AKAP13: variants seen among roughly 807,000 people sequenced by gnomAD.
AKAP13 encodes the protein A-kinase anchor protein 13.
A neutral mutation model predicts 264.5 loss-of-function variants in AKAP13; 80 were observed. The observed-to-expected ratio is 0.30, with a 90% CI of 0.25 to 0.36. The LOEUF (loss-of-function observed/expected upper bound fraction) is 0.36, where lower values mean the gene tolerates loss of function less well. Ranked by LOEUF, AKAP13 falls within the 10% of genes least tolerant of loss-of-function variation. The pLI is 1.00. For missense variants in AKAP13, 3,712 were observed against 3,435.2 expected, an observed-to-expected ratio of 1.08 and a Z score of -2.01; for synonymous variants, 1,380 against 1,250.2, an observed-to-expected ratio of 1.10 and a Z score of -2.19.
chr15:85,741,796 G>A (rs1333180947), intron 35 of AKAP13, among the ~76,000 whole-genome samples: 1 of 151,384 alleles, frequency 6.6e-6, no homozygotes, highest in Non-Finnish European at 1.5e-5. Flanking sequence ...ATAAATCCCA[G>A]CACCTTGGGA....
intron 1 of AKAP13, among the ~76,000 whole-genome samples, chr15:85,483,631 T>TGAAAAA (rs1567080694): frequency 3.6e-4 from 8 of 22,388 alleles, no homozygotes; most frequent in African/African-American, 9.5e-4. Context: ...AGACTCCGTC[T>TGAAAAA]CAAAAAAAAA....
chr15:85,423,870 G>T (rs1322085192), intron 1 of AKAP13, among the ~76,000 whole-genome samples: 2 of 152,198 alleles, frequency 1.3e-5, no homozygotes, highest in Non-Finnish European at 2.9e-5. Flanking sequence ...GTGTTAGCAG[G>T]CATGAAAACA....
Position 85,407,291 on chromosome 15 carries a change from G to A in AKAP13, c.-12+26493G>A, listed in dbSNP as rs576458743. Reference sequence around the variant, plus strand: ...CACCCAGGCTGGAATGCAGTGGTGCGATCTGGGCTCACTGCAACCTCCGCC... The same window carrying A: ...CACCCAGGCTGGAATGCAGTGGTGCAATCTGGGCTCACTGCAACCTCCGCC... On this transcript the variant is annotated intron_variant, in intron 1 of 36. Coordinates refer to ENST00000394518, the MANE Select transcript of AKAP13 (RefSeq NM_007200.5). Among the ~76,000 whole-genome samples the A allele has an allele frequency of 1.3e-4, 19 of 147,840 alleles. No homozygotes were observed. The East Asian group carries it at 2.1e-3, about 17-fold the overall frequency.
chr15:85,662,355 C>G (rs1431409936), intron 12 of AKAP13: 1 of 1,609,728 alleles, frequency 6.2e-7, no homozygotes, highest in South Asian at 1.1e-5. Flanking sequence ...TTTCTCCCTG[C>G]ATTTCTGTTT....
At chr15:85,381,521 C>CTT (rs1168869870) in intron 1 of AKAP13, among the ~76,000 whole-genome samples, 921 of 64,296 alleles carry the variant, frequency 0.014, 77 homozygotes, top group African/African-American at 0.046. Flanking sequence ...CGGTTTACTG[C>CTT]TTTTTTTTTT....
chr15:85,631,794 A>T lies in AKAP13; in HGVS notation c.4162-7580A>T, dbSNP rs371263062. Reference sequence around the variant, plus strand: ...GTCTTTGCAAACTAAAGTTATTTCTACTTTTTATGTATACTATTTTTTGTA... The same window carrying T: ...GTCTTTGCAAACTAAAGTTATTTCTTCTTTTTATGTATACTATTTTTTGTA... On this transcript the variant is annotated intron_variant, in intron 8 of 36. Transcript: ENST00000394518. Among the ~76,000 whole-genome samples the T allele has an allele frequency of 1.9e-4, 29 of 152,284 alleles. No individual in the cohort carries two copies. The East Asian group carries it at 5.0e-3, about 26-fold the overall frequency.
intron 1 of AKAP13, among the ~76,000 whole-genome samples, chr15:85,474,575 T>G (rs1185101065): frequency 1.3e-5 from 2 of 152,214 alleles, no homozygotes; most frequent in Non-Finnish European, 2.9e-5. Flanking sequence ...TTGAAGCGAT[T>G]AACATTAACA....
rs142012203 is a variant in AKAP13, at chr15:85,619,293, A to G, written c.4162-20081A>G. 1.3e-3 allele frequency: 1,150 copies of G among 900,860 alleles called. 5 individuals carry two copies. The highest frequency in any genetic ancestry group is 0.011 in the African/African-American group (597 of 55,432). The allele number at this position is 900,860 out of a possible 1,614,324, so 55.8% of individuals were successfully genotyped here. A position where few individuals can be genotyped will look rare whatever the true frequency, so the allele number is the denominator to read the frequency against. ...GCTGCGGGTGCGGAGCTGAAAGGGC[A>G]AGCAGTGACGTTCTTGAGAGAGAAG... On this transcript the variant is annotated intron_variant, in intron 8 of 36. Coordinates refer to ENST00000394518, the MANE Select transcript of AKAP13 (RefSeq NM_007200.5).
intron 8 of AKAP13, among the ~76,000 whole-genome samples, chr15:85,627,399 G>T (rs139484121): frequency 6.6e-6 from 1 of 151,860 alleles, no homozygotes; most frequent in Admixed American, 6.6e-5. Flanking sequence ...CCTTTTATGT[G>T]CTTCCCAGTC....
At chr15:85,436,791 C>G (rs1407853287) in intron 1 of AKAP13, among the ~76,000 whole-genome samples, 1 of 151,780 alleles carries the variant, frequency 6.6e-6, no homozygotes, top group Admixed American at 6.6e-5. Context: ...CACAACATAC[C>G]AGAATCTCTG....
chr15:85,555,573 T>C, intron 5 of AKAP13: 2 of 956,388 alleles, frequency 2.1e-6, no homozygotes, highest in Non-Finnish European at 2.9e-6. Flanking sequence ...TTGCTGTAAC[T>C]CAACCTGAAG....
rs75605923 is a variant in AKAP13, at chr15:85,672,886, A to G, written c.5101+3056A>G. On this transcript the variant is annotated intron_variant, in intron 14 of 36. Coordinates refer to ENST00000394518, the MANE Select transcript of AKAP13 (RefSeq NM_007200.5). ...CTCTGCCCAGAGCTTAAGCAAGGTT[A>G]AACATTGCTCACCATTGCTAGGACA... Among the ~76,000 whole-genome samples the G allele has an allele frequency of 7.9e-5, 12 of 152,366 alleles. No homozygotes were observed. The East Asian group carries it at 2.1e-3, about 27-fold the overall frequency.
intron 1 of AKAP13, chr15:85,480,786 C>T (rs1199531847): frequency 6.6e-6 from 1 of 152,142 alleles, no homozygotes; most frequent in Admixed American, 6.5e-5. Flanking sequence ...CTCCCAGGTT[C>T]AAACGATTCT....
chr15:85,476,225 T>G (rs2075159418), intron 1 of AKAP13, among the ~76,000 whole-genome samples: 1 of 152,060 alleles, frequency 6.6e-6, no homozygotes, highest in Non-Finnish European at 1.5e-5. Context: ...TCAGTAAGGC[T>G]TTATAGATAA....
At position 85,514,425 on chromosome 15, in the gene AKAP13, GT is replaced by G. The variant is rs1410306060; in HGVS notation, c.34-6996del. ...TGTGTCCTTAAGACATGGCCCCATC[GT>G]TTTTTTGAGCACTTCATTGTTTTCT... is the stretch of plus-strand genomic sequence containing the variant. On this transcript the variant is annotated intron_variant, in intron 2 of 36. Transcript: ENST00000394518. 1.5e-5 allele frequency among the ~76,000 whole-genome samples: 2 copies of G among 137,770 alleles called. 1 individual carries two copies. Among genetic ancestry groups the G allele is most frequent in the Non-Finnish European group, 3.1e-5 (2 of 64,506 alleles). The allele number at this position is 137,770 out of a possible 152,430, so 90.4% of individuals were successfully genotyped here.
chr15:85,600,513 A>T (rs2080013523), intron 8 of AKAP13, among the ~76,000 whole-genome samples: 2 of 152,214 alleles, frequency 1.3e-5, no homozygotes, highest in African/African-American at 4.8e-5. Flanking sequence ...AAATTTCAAC[A>T]GCTGCTGCTA....
chr15:85,633,226 A>C (rs1444495068), intron 8 of AKAP13, among the ~76,000 whole-genome samples: 1 of 152,196 alleles, frequency 6.6e-6, no homozygotes, highest in East Asian at 1.9e-4. Context: ...TCAAGGTAAG[A>C]GACAGTAATA....
chr15:85,451,346 A>T lies in AKAP13; in HGVS notation c.-11-34364A>T, dbSNP rs148813826. Among the ~76,000 whole-genome samples the T allele has an allele frequency of 5.1e-3, 769 of 152,196 alleles. 1 individual carries two copies. Among genetic ancestry groups the T allele is most frequent in the Middle Eastern group, 0.037 (11 of 294 alleles). ...TATCCTTGCCACTTTGTGCCTTTTA[A>T]GTGGGGGCATTTAGCCTGTTTACAT... is the stretch of plus-strand genomic sequence containing the variant. On this transcript the variant is annotated intron_variant, in intron 1 of 36. Transcript: ENST00000394518.
intron 1 of AKAP13, among the ~76,000 whole-genome samples, chr15:85,475,972 A>G (rs894562306): frequency 6.6e-6 from 1 of 152,184 alleles, no homozygotes; most frequent in Admixed American, 6.5e-5. Flanking sequence ...TCTGCAATGC[A>G]GTAGACTAGA....
Sources: gnomAD v4.1 joint callset for allele counts (sites outside exome capture counted in the v4.1 genomes callset) on GRCh38, gnomAD v4.1.1 for gene constraint, MANE v1.5 for transcripts, NCBI Gene and HGNC (gene_info 2026-07-23, HGNC 2026-07-21) for gene names.